GPRIN3: variants seen among roughly 807,000 people sequenced by gnomAD.
The protein encoded by GPRIN3 is G protein-regulated inducer of neurite outgrowth 3.
In GPRIN3, 12 loss-of-function variants were observed where a neutral mutation model predicts 13.7. The ratio of observed to expected loss-of-function variants is 0.87; its 90% CI spans 0.56 to 1.42. The LOEUF is 1.42. Ranked by LOEUF, GPRIN3 falls within the 40% of genes most tolerant of loss-of-function variation. The pLI, the probability that GPRIN3 is intolerant of heterozygous loss-of-function variation, is 0.00. For missense variants in GPRIN3, 1,009 were observed against 958.7 expected, an observed-to-expected ratio of 1.05 and a Z score of -0.69; for synonymous variants, 377 against 372.7, an observed-to-expected ratio of 1.01 and a Z score of -0.13.
chr4:89,255,566 G>A lies in GPRIN3; in HGVS notation c.-123-5333C>T, dbSNP rs149573496. On this transcript the variant is annotated intron_variant, in intron 1 of 1. Transcript: ENST00000609438. ...AGTAGAGATATTTAGCCAAGGAGAGGGTTGTGGTGGGGGGCAGGTGTGTCA... is the reference window on the plus strand; with the variant it reads ...AGTAGAGATATTTAGCCAAGGAGAGAGTTGTGGTGGGGGGCAGGTGTGTCA... Among the ~76,000 whole-genome samples the A allele has an allele frequency of 4.2e-3, 637 of 152,252 alleles. 4 individuals carry two copies. Among genetic ancestry groups the A allele is most frequent in the African/African-American group, 0.015 (620 of 41,550 alleles).
chr4:89,279,182 T>C (rs1724175331), intron 1 of GPRIN3, among the ~76,000 whole-genome samples: 1 of 152,212 alleles, frequency 6.6e-6, no homozygotes, highest in Admixed American at 6.5e-5. Flanking sequence ...ACATGAAGCA[T>C]GAAGAAAAGG....
chr4:89,283,657 G>C (rs1260841248), intron 1 of GPRIN3, among the ~76,000 whole-genome samples: 1 of 152,168 alleles, frequency 6.6e-6, no homozygotes, highest in Non-Finnish European at 1.5e-5. Context: ...GCATATCTAA[G>C]AGAAGGCCCA....
At position 89,279,806 on chromosome 4, in the gene GPRIN3, A is replaced by G. The variant is rs555699873; in HGVS notation, c.-124+27809T>C. 2.6e-5 allele frequency among the ~76,000 whole-genome samples: 4 copies of G among 151,982 alleles called. No homozygotes were observed. In the South Asian group the frequency reaches 6.2e-4, roughly 24 times the overall value. On this transcript the variant is annotated intron_variant, in intron 1 of 1. Coordinates refer to ENST00000609438, the MANE Select transcript of GPRIN3 (RefSeq NM_198281.3). ...TTCTTCAGTTCTTTTTTCTCAGTTC[A>G]TTTCCTAAATGTTGGCATTTTCCAG...
intron 1 of GPRIN3, among the ~76,000 whole-genome samples, chr4:89,270,320 C>CT (rs1723897016): frequency 7.4e-6 from 1 of 135,488 alleles, no homozygotes. Context: ...TCTTTTATGG[C>CT]AAAACAAACA....
intron 1 of GPRIN3, among the ~76,000 whole-genome samples, chr4:89,284,282 G>C (rs142001299): frequency 1.3e-3 from 203 of 152,328 alleles, no homozygotes; most frequent in African/African-American, 4.6e-3. Flanking sequence ...CCACATGCTG[G>C]AGGACTGCCA....
rs577708209 is a variant in GPRIN3 at position 89,268,852 on chromosome 4, C to CA, written c.-123-18620_-123-18619insT. 2.0e-3 allele frequency among the ~76,000 whole-genome samples: 304 copies of CA among 152,282 alleles called. 12 individuals carry two copies. In the South Asian group the frequency reaches 0.056, roughly 28 times the overall value. ...CAGAATTTGGCAAGCTCTCTAAATT[C>CA]GGCACTTTTCCCCCAGAAAGCCAGT... On this transcript the variant is annotated intron_variant, in intron 1 of 1. Coordinates refer to ENST00000609438, the MANE Select transcript of GPRIN3 (RefSeq NM_198281.3).
Position 89,238,348 on chromosome 4 carries a change from GA to G in GPRIN3, c.*9431del, listed in dbSNP as rs961585529. On this transcript the variant is annotated 3_prime_UTR_variant, in exon 2 of 2. Transcript: ENST00000609438. ...TTACTACTGGTCAAGTCAAACTGGGGATATGGCTGGGCTTTCCATCTCCTTC... is the reference window on the plus strand; with the variant it reads ...TTACTACTGGTCAAGTCAAACTGGGGTATGGCTGGGCTTTCCATCTCCTTC... 3.3e-5 allele frequency: 5 copies of G among 152,164 alleles called. No individual in the cohort carries two copies. The highest frequency in any genetic ancestry group is 1.2e-4 in the African/African-American group (5 of 41,426). The allele number at this position is 152,164 out of a possible 1,614,324, so 9.4% of individuals were successfully genotyped here. A position where few individuals can be genotyped will look rare whatever the true frequency, so the allele number is the denominator to read the frequency against.
At chr4:89,299,737 G>A (rs1724842661) in intron 1 of GPRIN3, among the ~76,000 whole-genome samples, 1 of 152,252 alleles carries the variant, frequency 6.6e-6, no homozygotes, top group East Asian at 1.9e-4. Flanking sequence ...TACTACTCCT[G>A]AAAGTTTATC....
At chr4:89,305,380 C>T (rs973060637) in intron 1 of GPRIN3, among the ~76,000 whole-genome samples, 5 of 152,186 alleles carry the variant, frequency 3.3e-5, no homozygotes, top group Non-Finnish European at 4.4e-5. Context: ...CAGTGTCCCT[C>T]CCAAGTTTTG....
chr4:89,288,706 G>T (rs1482525728), intron 1 of GPRIN3, among the ~76,000 whole-genome samples: 3 of 152,156 alleles, frequency 2.0e-5, no homozygotes, highest in Non-Finnish European at 4.4e-5. Context: ...AAGGTCAGGA[G>T]ATATTATTAT....
rs555712104 is a variant in GPRIN3, at chr4:89,247,698, CA to C, written c.*81del. ...TTGCTTTTTCTTCCTAGTCTTGCAG[CA>C]AAAAACTAAGCAAGCTTTGACATAG... On this transcript the variant is annotated 3_prime_UTR_variant, in exon 2 of 2. Transcript: ENST00000609438. The C allele has an allele frequency of 1.4e-6, 2 of 1,423,812 alleles. No homozygotes were observed. Among genetic ancestry groups the C allele is most frequent in the South Asian group, 2.9e-5 (2 of 70,146 alleles). The allele number at this position is 1,423,812 out of a possible 1,614,324, so 88.2% of individuals were successfully genotyped here.
chr4:89,278,299 G>A (rs944009937), intron 1 of GPRIN3, among the ~76,000 whole-genome samples: 22 of 151,964 alleles, frequency 1.4e-4, no homozygotes, highest in South Asian at 4.2e-4. Context: ...CCTTATTTTC[G>A]TTCTCCAAAA....
rs61743968 is a variant in GPRIN3 at position 89,250,165 on chromosome 4, G to A, written c.-55C>T. 11 of 1,547,098 alleles carry A rather than the reference G, an allele frequency of 7.1e-6. No homozygotes were observed. Among genetic ancestry groups the A allele is most frequent in the African/African-American group, 1.4e-5 (1 of 72,946 alleles). ...TCTCTTGAGTACTGGTCCCACTGGTGGGGGAGGGGAGCGCAGTCAGAGCTC... is the reference window on the plus strand; with the variant it reads ...TCTCTTGAGTACTGGTCCCACTGGTAGGGGAGGGGAGCGCAGTCAGAGCTC... On this transcript the variant is annotated 5_prime_UTR_variant, in exon 2 of 2. Coordinates refer to ENST00000609438, the MANE Select transcript of GPRIN3 (RefSeq NM_198281.3).
rs551926293 is a variant in GPRIN3, at chr4:89,290,620, G to A, written c.-124+16995C>T. On this transcript the variant is annotated intron_variant, in intron 1 of 1. Coordinates refer to ENST00000609438, the MANE Select transcript of GPRIN3 (RefSeq NM_198281.3). ...AACAGCCATAGTACAGTGAGGAAAC[G>A]TCGATTATAGGATTTACCATAATCT... 3.3e-5 allele frequency among the ~76,000 whole-genome samples: 5 copies of A among 152,186 alleles called. No individual in the cohort carries two copies. The East Asian group carries it at 5.8e-4, about 18-fold the overall frequency.
intron 1 of GPRIN3, among the ~76,000 whole-genome samples, chr4:89,268,280 C>T (rs1332302879): frequency 6.6e-6 from 1 of 152,044 alleles, no homozygotes; most frequent in Admixed American, 6.6e-5. Context: ...AGTAAGAATA[C>T]AAAGAGAAAA....
At chr4:89,274,793 G>T (rs1026999086) in intron 1 of GPRIN3, among the ~76,000 whole-genome samples, 20 of 152,316 alleles carry the variant, frequency 1.3e-4, no homozygotes, top group Non-Finnish European at 2.6e-4. Flanking sequence ...CTTCTGGGAT[G>T]ATGCTGTGGG....
chr4:89,295,925 T>C (rs1242249686), intron 1 of GPRIN3, among the ~76,000 whole-genome samples: 1 of 152,228 alleles, frequency 6.6e-6, no homozygotes, highest in South Asian at 2.1e-4. Flanking sequence ...AAAAATAACA[T>C]CTGTGAAATT....
At chr4:89,293,223 G>A (rs1335882446) in intron 1 of GPRIN3, among the ~76,000 whole-genome samples, 2 of 152,198 alleles carry the variant, frequency 1.3e-5, no homozygotes, top group South Asian at 4.1e-4. Flanking sequence ...GGGACTTCCT[G>A]CAGAAATGAC....
intron 1 of GPRIN3, among the ~76,000 whole-genome samples, chr4:89,280,509 A>G (rs1360325376): frequency 6.6e-6 from 1 of 152,172 alleles, no homozygotes; most frequent in Non-Finnish European, 1.5e-5. Flanking sequence ...ATAAGGAAGG[A>G]TCAATGGTTG....
Sources: gnomAD v4.1 joint callset for allele counts (sites outside exome capture counted in the v4.1 genomes callset) on GRCh38, gnomAD v4.1.1 for gene constraint, MANE v1.5 for transcripts, NCBI Gene and HGNC (gene_info 2026-07-23, HGNC 2026-07-21) for gene names.